SLC39A1: variants seen among roughly 807,000 people sequenced by gnomAD.
The protein encoded by SLC39A1 is solute carrier family 39 member 1, also known as zinc transporter ZIP1.
SLC39A1 carries 17 observed loss-of-function variants against 21.4 expected under a neutral mutation model. The observed-to-expected ratio is 0.79, with a 90% CI of 0.54 to 1.19. The LOEUF is 1.19. SLC39A1 is among the 50% of genes most tolerant of loss of function. The pLI, the probability that SLC39A1 is intolerant of heterozygous loss-of-function variation, is 0.00. For missense variants in SLC39A1, 343 were observed against 399.8 expected, an observed-to-expected ratio of 0.86 and a Z score of 1.21; for synonymous variants, 183 against 185.9, an observed-to-expected ratio of 0.98 and a Z score of 0.13.
At chr1:153,967,271 C>G (rs1647849558), upstream of SLC39A1, 1 of 152,238 alleles carries the variant, frequency 6.6e-6, no homozygotes, top group South Asian at 2.1e-4. Flanking sequence ...AACCCGCCAT[C>G]GCGCTCCTGC....
intron 3 of SLC39A1, among the ~76,000 whole-genome samples, chr1:153,961,313 T>C (rs145200762): frequency 2.0e-5 from 3 of 152,212 alleles, no homozygotes; most frequent in East Asian, 1.9e-4. Context: ...AACAAAAACA[T>C]TTTGGGCCAG....
Position 153,962,739 on chromosome 1 carries a change from C to T in SLC39A1, c.-24G>A, listed in dbSNP as rs1435292896. On this transcript the variant is annotated 5_prime_UTR_variant, in exon 2 of 4. Coordinates refer to ENST00000356205, the MANE Select transcript of SLC39A1 (RefSeq NM_001271958.2). ...ATGATGCTTCTGGTAGCTCCAGTGA[C>T]TCTCAGACCTAGGAAGACAGACCAG... 1 of 1,536,014 alleles carries T rather than the reference C, an allele frequency of 6.5e-7. No homozygotes were observed. Among genetic ancestry groups the T allele is most frequent in the Non-Finnish European group, 8.8e-7 (1 of 1,142,450 alleles).
At chr1:153,962,443 C>T (rs1456443764) in intron 2 of SLC39A1, 86 bp downstream of exon 2, 1 of 1,575,868 alleles carries the variant, frequency 6.3e-7, no homozygotes, top group Admixed American at 1.8e-5. Flanking sequence ...CTTGCCTTTC[C>T]CTCCTCCTTT....
chr1:153,962,295 CAA>C lies in SLC39A1; in HGVS notation c.241_242del (p.Leu81GlyfsTer10), dbSNP rs1369319069. On this transcript the variant is annotated frameshift_variant, in exon 3 of 4. Coordinates refer to ENST00000356205, the MANE Select transcript of SLC39A1 (RefSeq NM_001271958.2). LOFTEE classifies it high-confidence loss of function. ...LVSCFAGGVFLATCLLDLLPD... is the reference protein window; with the variant it reads ...LVSCFAGGVFXATCLLDLLPD... ...GCAGCAGGTCCAGGAGACAAGTGGC[CAA>C]AAAGACGCCCCCCGCGAAACAGCTT... 1.2e-6 allele frequency: 2 copies of C among 1,613,962 alleles called. No homozygotes were observed. The highest frequency in any genetic ancestry group is 1.7e-6 in the Non-Finnish European group (2 of 1,180,026).
At chr1:153,962,444 C>T in intron 2 of SLC39A1, 85 bp downstream of exon 2, 1 of 1,575,838 alleles carries the variant, frequency 6.3e-7, no homozygotes, top group East Asian at 2.2e-5. Context: ...TTGCCTTTCC[C>T]TCCTCCTTTG....
In SLC39A1 at chr1:153,962,232, G is replaced by A; in HGVS notation, c.306C>T (p.Ala102=). Residue 102 remains alanine (A), a synonymous_variant, in exon 3 of 4, where the codon GCC becomes GCT. Transcript: ENST00000356205. ...YLAAIDEALA[A]LHVTLQFPLQ... ...GGCCAGTGCTCACCGTCACGTGCAA[G>A]GCTGCCAGGGCCTCATCTATGGCAG... 6.2e-7 allele frequency: 1 copy of A among 1,614,050 alleles called. No individual in the cohort carries two copies. Among genetic ancestry groups the A allele is most frequent in the Non-Finnish European group, 8.5e-7 (1 of 1,179,982 alleles).
chr1:153,967,192 G>A (rs1052695983), upstream of SLC39A1, among the ~76,000 whole-genome samples: 2 of 152,220 alleles, frequency 1.3e-5, no homozygotes, highest in Admixed American at 6.5e-5. Context: ...AATGAGCAGC[G>A]TGCAGCGAGC....
rs776031862 is a variant in SLC39A1 at position 153,962,596 on chromosome 1, G to A, written c.120C>T (p.Leu40=). 1.9e-6 allele frequency: 3 copies of A among 1,613,708 alleles called. No homozygotes were observed. Among genetic ancestry groups the A allele is most frequent in the Non-Finnish European group, 2.5e-6 (3 of 1,179,956 alleles). The change falls in exon 2 of 4, where the codon CTC becomes CTT. Residue 40 remains leucine (L), a synonymous_variant. Transcript: ENST00000356205. ...TGGGCACCAGGCTGCAGAGGAGGGT[G>A]AGCACCAGCAGCAGCACCAGGGCCC... ...KLGALVLLLV[L]TLLCSLVPIC... is the part of the protein sequence containing the mutation.
At chr1:153,967,822 C>G (rs1647907916), upstream of SLC39A1, 1 of 152,172 alleles carries the variant, frequency 6.6e-6, no homozygotes, top group Non-Finnish European at 1.5e-5. Context: ...AGCTTCCAAT[C>G]AGGACTCAGC....
At position 153,962,209 on chromosome 1, in the gene SLC39A1, C is replaced by T. The variant is rs377183507; in HGVS notation, c.318+11G>A. 8.1e-6 allele frequency: 13 copies of T among 1,612,916 alleles called. No individual in the cohort carries two copies. In the African/African-American group the frequency reaches 1.1e-4, roughly 13 times the overall value. On this transcript the variant is annotated intron_variant, in intron 3 of 3. Coordinates refer to ENST00000356205, the MANE Select transcript of SLC39A1 (RefSeq NM_001271958.2). ...CCCTCCCGCAAGTCACATGCCCAGG[C>T]CAGTGCTCACCGTCACGTGCAAGGC...
upstream of SLC39A1, among the ~76,000 whole-genome samples, chr1:153,966,227 C>A (rs1571100558): frequency 6.6e-6 from 1 of 152,120 alleles, no homozygotes; most frequent in East Asian, 1.9e-4. Context: ...GAGATATGAG[C>A]GGGAAAGACA....
At chr1:153,961,276 A>AAAAAC (rs771203502) in intron 3 of SLC39A1, among the ~76,000 whole-genome samples, 2 of 152,318 alleles carry the variant, frequency 1.3e-5, no homozygotes, top group East Asian at 1.9e-4. Context: ...ACTCTTTCTC[A>AAAAAC]AAAACAAAAC....
Position 153,960,482 on chromosome 1 carries a change from C to T in SLC39A1, c.591G>A (p.Ala197=), listed in dbSNP as rs572275799. Residue 197 remains alanine, a synonymous_variant, in exon 4 of 4, where the codon GCG becomes GCA. Coordinates refer to ENST00000356205, the MANE Select transcript of SLC39A1 (RefSeq NM_001271958.2). ...GAGCCCGGTCTCGCTGCAGCCCTAC[C>T]GCCAGCCCCTCGAACACGGAGTGGA... ...LALHSVFEGL[A]VGLQRDRARA... The T allele has an allele frequency of 7.9e-5, 128 of 1,613,388 alleles. No individual in the cohort carries two copies. The East Asian group carries it at 2.0e-3, about 25-fold the overall frequency.
chr1:153,965,699 G>A (rs1571099890), upstream of SLC39A1, among the ~76,000 whole-genome samples: 2 of 151,774 alleles, frequency 1.3e-5, no homozygotes, highest in African/African-American at 4.8e-5. Flanking sequence ...CAATTCTCCC[G>A]CCTCGGCCTC....
Position 153,962,860 on chromosome 1 carries a change from C to G in SLC39A1, c.-32-113G>C, listed in dbSNP as rs1033267329. 16 of 741,678 alleles carry G rather than the reference C, an allele frequency of 2.2e-5. No individual in the cohort carries two copies. The African/African-American group carries it at 2.7e-4, about 12-fold the overall frequency. The allele number at this position is 741,678 out of a possible 1,614,324, so 45.9% of individuals were successfully genotyped here. ...TCCCTGGCCCCAGCCACTTTGTGAC[C>G]TTCCCCTACCCAGGGTGACTCATCT... On this transcript the variant is annotated intron_variant, in intron 1 of 3. Transcript: ENST00000356205.
Position 153,960,043 on chromosome 1 carries a change from AGGGAG to A in SLC39A1, c.*50_*54del. The A allele has an allele frequency of 6.6e-7, 1 of 1,522,714 alleles. No homozygotes were observed. The highest frequency in any genetic ancestry group is 8.8e-7 in the Non-Finnish European group (1 of 1,131,170). 94.3% of individuals were successfully genotyped at this position (1,522,714 alleles called of 1,614,324 possible). Reference sequence around the variant, plus strand: ...CTATTCCCCACAACTGGGGGAGGGAAGGGAGAACAGGGGCACCTGATCATCAATCT... The same window carrying A: ...CTATTCCCCACAACTGGGGGAGGGAAAACAGGGGCACCTGATCATCAATCT... On this transcript the variant is annotated 3_prime_UTR_variant, in exon 4 of 4. Transcript: ENST00000356205.
upstream of SLC39A1, chr1:153,967,544 G>A (rs1381934696): frequency 6.6e-6 from 1 of 152,210 alleles, no homozygotes; most frequent in Non-Finnish European, 1.5e-5. Context: ...CTAGCTGCTC[G>A]CGGTGCTGAG....
In SLC39A1 at chr1:153,962,665, T is replaced by C; in HGVS notation, c.51A>G (p.Val17=). Residue 17 remains valine, a synonymous_variant, in exon 2 of 4, where the codon GTA becomes GTG. Coordinates refer to ENST00000356205, the MANE Select transcript of SLC39A1 (RefSeq NM_001271958.2). ...CCACAGGCACTGGAGGCTCTGAAGCTACCGCCTCGGGGCGCCACACCAGGA... is the reference window on the plus strand; with the variant it reads ...CCACAGGCACTGGAGGCTCTGAAGCCACCGCCTCGGGGCGCCACACCAGGA... ...PELLVWRPEA[V]ASEPPVPVGL... is the part of the protein sequence containing the mutation. 5.0e-6 allele frequency: 8 copies of C among 1,611,668 alleles called. No homozygotes were observed. The highest frequency in any genetic ancestry group is 6.8e-6 in the Non-Finnish European group (8 of 1,179,036).
rs1249365433 is a variant in SLC39A1, at chr1:153,960,227, G to A, written c.846C>T (p.Thr282=). ...QSVLEGMAAG[T]FLYITFLEIL... ...TTTCCAGAAAGGTGATATAGAGAAA[G>A]GTGCCAGCTGCCATGCCCTCTAGCA... is the stretch of plus-strand genomic sequence containing the variant. Residue 282 remains threonine (T), a synonymous_variant, in exon 4 of 4, where the codon ACC becomes ACT. Coordinates refer to ENST00000356205, the MANE Select transcript of SLC39A1 (RefSeq NM_001271958.2). 1.9e-6 allele frequency: 3 copies of A among 1,614,218 alleles called. No homozygotes were observed. Among genetic ancestry groups the A allele is most frequent in the South Asian group, 1.1e-5 (1 of 91,092 alleles).
Sources: allele counts gnomAD v4.1 joint callset (sites outside exome capture counted in the v4.1 genomes callset), GRCh38; gene constraint gnomAD v4.1.1; transcripts MANE v1.5; gene names NCBI Gene and HGNC (gene_info 2026-07-23, HGNC 2026-07-21).